The following PIBF1 variants were observed in gnomAD, a reference collection of about 807,000 sequenced individuals.
PIBF1 encodes progesterone-induced-blocking factor 1.
In PIBF1, 90 loss-of-function variants were observed where a neutral mutation model predicts 112.5. The observed-to-expected ratio is 0.80, with a 90% CI of 0.67 to 0.95. PIBF1 has a LOEUF of 0.95. Ranked by LOEUF, PIBF1 falls within the 40% of genes least tolerant of loss-of-function variation. The pLI, the probability that PIBF1 is intolerant of heterozygous loss-of-function variation, is 0.00. For synonymous variants in PIBF1, 301 were observed against 288.6 expected (o/e 1.04, Z -0.44); for missense variants, 915 against 852.3 (o/e 1.07, Z -0.92).
chr13:72,981,344 A>G (rs1336398267), intron 16 of PIBF1, among the ~76,000 whole-genome samples: 3 of 151,962 alleles, frequency 2.0e-5, no homozygotes, highest in Non-Finnish European at 2.9e-5. Context: ...CACAATTTAA[A>G]TGGTGACAGG....
chr13:72,945,821 T>A (rs1309776193), intron 14 of PIBF1, among the ~76,000 whole-genome samples: 2 of 152,188 alleles, frequency 1.3e-5, no homozygotes, highest in Non-Finnish European at 2.9e-5. Context: ...CATAGTCTAT[T>A]ATCAATTTTC....
At position 72,821,896 on chromosome 13, in the gene PIBF1, T is replaced by A; in HGVS notation, c.720T>A (p.Cys240Ter). ...ACTACTCTGAAGTTCAAATTAGATG[T>A]CAACGTTTGGCCTTAGAATTAGCAG... ...RKNYSEVQIRCQRLALELADT... is the reference protein window; with the variant it reads ...RKNYSEVQIR Residue 240 changes from cysteine to a stop codon, truncating the protein, a stop_gained, in exon 6 of 18, where the codon TGT becomes TGA. Transcript: ENST00000326291. LOFTEE classifies it high-confidence loss of function. 1 of 1,612,890 alleles carries A rather than the reference T, an allele frequency of 6.2e-7. No homozygotes were observed. The highest frequency in any genetic ancestry group is 8.5e-7 in the Non-Finnish European group (1 of 1,179,186).
At chr13:73,005,618 C>T (rs1010810319) in intron 17 of PIBF1, among the ~76,000 whole-genome samples, 5 of 151,822 alleles carry the variant, frequency 3.3e-5, no homozygotes, top group Admixed American at 6.6e-5. Flanking sequence ...AAAAATGGAA[C>T]GTAGCAGTTA....
chr13:72,958,570 A>G (rs2042517737), intron 14 of PIBF1, among the ~76,000 whole-genome samples: 1 of 152,180 alleles, frequency 6.6e-6, no homozygotes. Context: ...ACTGGTAAAT[A>G]GCTCTACACT....
intron 11 of PIBF1, among the ~76,000 whole-genome samples, chr13:72,894,764 A>G (rs2040201736): frequency 8.4e-6 from 1 of 119,304 alleles, no homozygotes; most frequent in African/African-American, 3.5e-5. Context: ...TATATTATAT[A>G]TATATATAGT....
chr13:73,015,175 G>A (rs1401868580), intron 17 of PIBF1, among the ~76,000 whole-genome samples: 2 of 151,628 alleles, frequency 1.3e-5, no homozygotes, highest in Non-Finnish European at 2.9e-5. Flanking sequence ...TTCTTTTCGT[G>A]GAGATGGGGT....
intron 14 of PIBF1, among the ~76,000 whole-genome samples, chr13:72,961,683 A>G (rs903095613): frequency 6.6e-6 from 1 of 152,198 alleles, no homozygotes; most frequent in Admixed American, 6.6e-5. Flanking sequence ...AATAATAGAT[A>G]TCCACCATTT....
At chr13:72,798,976 A>G (rs528811538) in intron 5 of PIBF1, among the ~76,000 whole-genome samples, 1 of 152,314 alleles carries the variant, frequency 6.6e-6, no homozygotes, top group African/African-American at 2.4e-5. Context: ...CATTAACCCC[A>G]GTGGTGTGCA....
intron 16 of PIBF1, among the ~76,000 whole-genome samples, chr13:72,991,281 GTCA>G (rs924036728): frequency 7.6e-6 from 1 of 131,000 alleles, no homozygotes; most frequent in Non-Finnish European, 1.5e-5. Flanking sequence ...TTATGCAGTC[GTCA>G]TCATCATCAT....
chr13:72,883,314 A>C (rs1296460602), intron 10 of PIBF1, among the ~76,000 whole-genome samples: 1 of 152,212 alleles, frequency 6.6e-6, no homozygotes, highest in Non-Finnish European at 1.5e-5. Flanking sequence ...GATAGAAAGT[A>C]GAATGATGGT....
intron 12 of PIBF1, among the ~76,000 whole-genome samples, chr13:72,915,414 A>G (rs1415238198): frequency 1.3e-5 from 2 of 152,232 alleles, no homozygotes; most frequent in East Asian, 3.8e-4. Context: ...ACCAAGTTGT[A>G]TAATACATTG....
chr13:72,953,897 A>G (rs145931493), intron 14 of PIBF1, among the ~76,000 whole-genome samples: 6 of 152,206 alleles, frequency 3.9e-5, no homozygotes, highest in African/African-American at 1.4e-4. Context: ...GGGCGGGGCT[A>G]TGGAGCCTCC....
chr13:72,867,434 CA>C (rs1336460309), intron 10 of PIBF1, among the ~76,000 whole-genome samples: 3 of 152,090 alleles, frequency 2.0e-5, no homozygotes, highest in African/African-American at 7.2e-5. Flanking sequence ...TTAAAGTACT[CA>C]AAAAATATTA....
At chr13:72,962,037 A>G (rs998749271) in intron 14 of PIBF1, among the ~76,000 whole-genome samples, 1 of 152,142 alleles carries the variant, frequency 6.6e-6, no homozygotes, top group Non-Finnish European at 1.5e-5. Context: ...ATTTGTTGTA[A>G]TATTGTTTAT....
chr13:72,987,858 A>ATTTTTTTTTTTTTTTTTT (rs55999445), intron 16 of PIBF1, among the ~76,000 whole-genome samples: 7 of 58,134 alleles, frequency 1.2e-4, no homozygotes, highest in East Asian at 8.1e-4. Context: ...TTATTTATTT[A>ATTTTTTTTTTTTTTTTTT]TTTTTTTTTT....
At chr13:72,795,669 C>T (rs1566279382) in intron 4 of PIBF1, 112 bp downstream of exon 4, 6 of 677,856 alleles carry the variant, frequency 8.9e-6, no homozygotes, top group Non-Finnish European at 1.5e-5. Context: ...TATTTTATGG[C>T]TATGGATGGT....
chr13:73,012,119 A>G (rs2044221376), intron 17 of PIBF1, among the ~76,000 whole-genome samples: 1 of 152,170 alleles, frequency 6.6e-6, no homozygotes, highest in Admixed American at 6.5e-5. Flanking sequence ...TGGGAGGCCG[A>G]GGCGAGCAGA....
chr13:72,792,176 A>T (rs953783334), intron 2 of PIBF1, among the ~76,000 whole-genome samples: 4 of 151,904 alleles, frequency 2.6e-5, no homozygotes, highest in African/African-American at 9.7e-5. Context: ...CTTGGCTGTA[A>T]TCCCAGCTAC....
At chr13:72,936,177 G>T (rs1051342960) in intron 14 of PIBF1, among the ~76,000 whole-genome samples, 1 of 151,972 alleles carries the variant, frequency 6.6e-6, no homozygotes, top group African/African-American at 2.4e-5. Flanking sequence ...TAGGACTGCA[G>T]TTACCTGCAA....
Sources: gnomAD v4.1 joint callset for allele counts (sites outside exome capture counted in the v4.1 genomes callset) on GRCh38, gnomAD v4.1.1 for gene constraint, MANE v1.5 for transcripts, NCBI Gene and HGNC (gene_info 2026-07-23, HGNC 2026-07-21) for gene names.